The following AHRR variants were observed in gnomAD, a reference collection of about 807,000 sequenced individuals.
The protein encoded by AHRR is aryl hydrocarbon receptor repressor.
A neutral mutation model predicts 44.0 loss-of-function variants in AHRR; 28 were observed. The ratio of observed to expected loss-of-function variants is 0.64; its 90% CI spans 0.47 to 0.87. The LOEUF (loss-of-function observed/expected upper bound fraction) is 0.87, where lower values mean the gene tolerates loss of function less well. Among genes scored for constraint, AHRR ranks in the 40% least tolerant of loss-of-function variants. The probability of loss-of-function intolerance (pLI) is 0.00; values close to 1 mark genes in which losing one functional copy is unlikely to be tolerated. For synonymous variants in AHRR, 434 were observed against 407.0 expected (o/e 1.07, Z -0.80); for missense variants, 990 against 953.9 (o/e 1.04, Z -0.50).
In AHRR at chr5:435,259, G is replaced by A. The variant is rs769126152; in HGVS notation, c.*425G>A. On this transcript the variant is annotated 3_prime_UTR_variant, in exon 11 of 11. Transcript: ENST00000684583. ...GGGTGATGCTCCCAAGTCCGCAGTC[G>A]GGGATGAAGCGGTCGGGTGACACAC... 5.5e-5 allele frequency: 11 copies of A among 198,724 alleles called. No individual in the cohort carries two copies. The highest frequency in any genetic ancestry group is 1.6e-4 in the Admixed American group (3 of 18,418). 12.3% of individuals were successfully genotyped at this position (198,724 alleles called of 1,614,324 possible). A position where few individuals can be genotyped will look rare whatever the true frequency, so the allele number is the denominator to read the frequency against.
intron 5 of AHRR, among the ~76,000 whole-genome samples, chr5:421,506 C>T (rs1164223737): frequency 6.6e-6 from 1 of 152,224 alleles, no homozygotes; most frequent in African/African-American, 2.4e-5. Flanking sequence ...GGTGACTCAC[C>T]CAACGGTGTG....
At chr5:410,282 G>C (rs949722512) in intron 4 of AHRR, among the ~76,000 whole-genome samples, 1 of 152,142 alleles carries the variant, frequency 6.6e-6, no homozygotes, top group African/African-American at 2.4e-5. Flanking sequence ...CTACAGCCTC[G>C]ATTTCCCAGG....
At position 419,427 on chromosome 5, in the gene AHRR, A is replaced by G. The variant is rs57562539; in HGVS notation, c.442-3302A>G. 0.02 allele frequency among the ~76,000 whole-genome samples: 2,988 copies of G among 152,210 alleles called. 72 individuals carry two copies. The highest frequency in any genetic ancestry group is 0.058 in the African/African-American group (2,409 of 41,522). On this transcript the variant is annotated intron_variant, in intron 5 of 10. Coordinates refer to ENST00000684583, the MANE Select transcript of AHRR (RefSeq NM_001377236.1). This position sits in a 1 kb window ranked among gnomAD's most constrained non-coding sequence, Gnocchi z 4.4. ...AGTGATCTGCCCGCCTTGGCCTCCTAAAGTGCTGGGATTACAGGCGTGAAC... is the reference window on the plus strand; with the variant it reads ...AGTGATCTGCCCGCCTTGGCCTCCTGAAGTGCTGGGATTACAGGCGTGAAC...
At chr5:389,067 G>A (rs941990293) in intron 4 of AHRR, among the ~76,000 whole-genome samples, 2 of 152,134 alleles carry the variant, frequency 1.3e-5, no homozygotes, top group Non-Finnish European at 2.9e-5. Flanking sequence ...CACAGTCTGG[G>A]CACGATTCTC....
chr5:376,761 C>T, intron 4 of AHRR, 45 bp downstream of exon 4: 1 of 1,492,790 alleles, frequency 6.7e-7, no homozygotes, highest in African/African-American at 1.4e-5. Context: ...ACTTGGTTCT[C>T]CGTGTCACGC....
At chr5:325,719 T>G (rs1741683026) in intron 1 of AHRR, among the ~76,000 whole-genome samples, 1 of 152,094 alleles carries the variant, frequency 6.6e-6, no homozygotes, top group African/African-American at 2.4e-5. Context: ...CATATTTTGC[T>G]TATATTTATT....
At chr5:377,490 C>A (rs1249923908) in intron 4 of AHRR, among the ~76,000 whole-genome samples, 13 of 152,150 alleles carry the variant, frequency 8.5e-5, no homozygotes, top group Admixed American at 7.2e-4. Context: ...CCAGCCGGAA[C>A]TCAGGACCCC....
chr5:333,836 G>A (rs1255620811), intron 1 of AHRR, among the ~76,000 whole-genome samples: 1 of 152,080 alleles, frequency 6.6e-6, no homozygotes, highest in Non-Finnish European at 1.5e-5. Context: ...ATATACTTTT[G>A]TGTGTTTCCA....
At chr5:427,537 C>G (rs773882284) in intron 7 of AHRR, 3 of 1,410,010 alleles carry the variant, frequency 2.1e-6, no homozygotes, top group African/African-American at 1.4e-5. Context: ...CAGGCACACA[C>G]GCGGGAATGA....
intron 1 of AHRR, among the ~76,000 whole-genome samples, chr5:335,102 C>A (rs988647495): frequency 3.9e-5 from 6 of 152,092 alleles, no homozygotes; most frequent in African/African-American, 1.2e-4. Context: ...TTAACCATGT[C>A]TATCCTTGTG....
intron 7 of AHRR, 59 bp from the exon 8 acceptor site, chr5:427,748 T>A (rs752420869): frequency 2.5e-6 from 4 of 1,612,350 alleles, no homozygotes; most frequent in Non-Finnish European, 3.4e-6. Flanking sequence ...CTGTGTCCTG[T>A]GACCACCTTG....
intron 6 of AHRR, 104 bp downstream of exon 6, chr5:422,962 C>T: frequency 7.1e-7 from 1 of 1,417,208 alleles, no homozygotes. Context: ...GTGTGCTTTG[C>T]CTTACACATT....
rs895351198 is a variant in AHRR, at chr5:433,748, T to G, written c.1113-105T>G. ...GGTCGGTGTAGCAGCCTTGGCAGAT[T>G]TAGCATCGTCCTGATTTCGTAGCCT... On this transcript the variant is annotated intron_variant, in intron 10 of 10. Transcript: ENST00000684583. 4 of 1,284,920 alleles carry G rather than the reference T, an allele frequency of 3.1e-6. No individual in the cohort carries two copies. The African/African-American group carries it at 6.3e-5, about 20-fold the overall frequency. The allele number at this position is 1,284,920 out of a possible 1,614,324, so 79.6% of individuals were successfully genotyped here.
chr5:408,293 C>T (rs1255783845), intron 4 of AHRR, among the ~76,000 whole-genome samples: 1 of 152,348 alleles, frequency 6.6e-6, no homozygotes, highest in African/African-American at 2.4e-5. Flanking sequence ...TTGAGTGTTT[C>T]CCTATGAAGT....
chr5:385,485 T>G (rs539970695), intron 4 of AHRR, among the ~76,000 whole-genome samples: 1 of 152,142 alleles, frequency 6.6e-6, no homozygotes, highest in Non-Finnish European at 1.5e-5. Flanking sequence ...TCGCCTCCAT[T>G]TGTGGTGAAT....
chr5:369,321 G>T lies in AHRR; in HGVS notation c.245-7289G>T, dbSNP rs555262072. Among the ~76,000 whole-genome samples, 9 of 152,246 alleles carry T rather than the reference G, an allele frequency of 5.9e-5. No individual in the cohort carries two copies. The South Asian group carries it at 1.9e-3, about 32-fold the overall frequency. ...CATTCTGTCTTAACCCCCTAACCTGGTACCAGCTGTTTTCTGGGACACCTG... is the reference window on the plus strand; with the variant it reads ...CATTCTGTCTTAACCCCCTAACCTGTTACCAGCTGTTTTCTGGGACACCTG... On this transcript the variant is annotated intron_variant, in intron 3 of 10. Transcript: ENST00000684583.
chr5:328,255 A>ATTTTTTTTTTTTT lies in AHRR; in HGVS notation c.-11+6454_-11+6466dup, dbSNP rs70955232. Among the ~76,000 whole-genome samples the ATTTTTTTTTTTTT allele has an allele frequency of 3.7e-5, 2 of 54,254 alleles. 1 individual carries two copies. The highest frequency in any genetic ancestry group is 1.2e-4 in the African/African-American group (2 of 16,798). The allele number at this position is 54,254 out of a possible 152,430, so 35.6% of individuals were successfully genotyped here. On this transcript the variant is annotated intron_variant, in intron 1 of 10. Coordinates refer to ENST00000684583, the MANE Select transcript of AHRR (RefSeq NM_001377236.1). ...TTCTCTGCATCCTCACCAACATCTG[A>ATTTTTTTTTTTTT]TTTTTTTTTTTTTTTTTTTTTTTTT... is the stretch of plus-strand genomic sequence containing the variant.
At chr5:398,757 GGGCT>G (rs1465191355) in intron 4 of AHRR, among the ~76,000 whole-genome samples, 1 of 152,220 alleles carries the variant, frequency 6.6e-6, no homozygotes, top group African/African-American at 2.4e-5. Context: ...GAGAAGGGCT[GGGCT>G]GGCAGGGCCT....
At chr5:389,950 G>C (rs1324900910) in intron 4 of AHRR, among the ~76,000 whole-genome samples, 3 of 132,984 alleles carry the variant, frequency 2.3e-5, no homozygotes, top group Admixed American at 2.3e-4. Flanking sequence ...AGGGAGGGAG[G>C]GGGAGGGGAG....
Sources: gnomAD v4.1 joint callset for allele counts (sites outside exome capture counted in the v4.1 genomes callset) on GRCh38, gnomAD v4.1.1 for gene constraint, Gnocchi (gnomAD v3.1) non-coding constraint, MANE v1.5 for transcripts, NCBI Gene and HGNC (gene_info 2026-07-23, HGNC 2026-07-21) for gene names.